Variants in SYT16 observed in about 807,000 individuals in gnomAD.
SYT16 encodes the protein synaptotagmin-16.
In SYT16, 42 loss-of-function variants were observed where a neutral mutation model predicts 61.4. That is an observed-to-expected ratio of 0.68 (90% CI 0.53 to 0.89). SYT16 has a LOEUF of 0.89. Ranked by LOEUF, SYT16 falls within the 40% of genes least tolerant of loss-of-function variation. The pLI, the probability that SYT16 is intolerant of heterozygous loss-of-function variation, is 0.00. For missense variants in SYT16, 804 were observed against 807.3 expected, an observed-to-expected ratio of 1.00 and a Z score of 0.05; for synonymous variants, 314 against 302.3, an observed-to-expected ratio of 1.04 and a Z score of -0.40.
In SYT16 at chr14:61,839,948, G is replaced by T. The variant is rs546277107; in HGVS notation, c.-325+27138G>T. On this transcript the variant is annotated intron_variant, in intron 1 of 7. Coordinates refer to ENST00000683842, the MANE Select transcript of SYT16 (RefSeq NM_001367656.1). ...GGAGCAGAAGAGGAAGAAGGGAAAG[G>T]GAGAGGAGAAGGAGAGATGAGTTAG... Among the ~76,000 whole-genome samples the T allele has an allele frequency of 2.0e-5, 3 of 151,876 alleles. No individual in the cohort carries two copies. The East Asian group carries it at 5.8e-4, about 30-fold the overall frequency.
chr14:61,826,671 C>G (rs2045780368), intron 1 of SYT16, among the ~76,000 whole-genome samples: 1 of 151,932 alleles, frequency 6.6e-6, no homozygotes, highest in African/African-American at 2.4e-5. Context: ...AGCCTCTCTG[C>G]TTTTATTTCT....
chr14:61,903,959 G>A (rs560495482), intron 1 of SYT16, among the ~76,000 whole-genome samples: 2 of 152,188 alleles, frequency 1.3e-5, no homozygotes, highest in Admixed American at 1.3e-4. Flanking sequence ...TCCTTCGAGG[G>A]TATCAATAAT....
intron 1 of SYT16, among the ~76,000 whole-genome samples, chr14:61,932,867 C>G (rs1341064037): frequency 6.6e-6 from 1 of 152,112 alleles, no homozygotes; most frequent in East Asian, 1.9e-4. Context: ...TTGAATGGAC[C>G]AGCCTGACAT....
intron 1 of SYT16, among the ~76,000 whole-genome samples, chr14:61,886,063 C>T (rs1395425245): frequency 6.6e-6 from 1 of 150,690 alleles, no homozygotes; most frequent in Non-Finnish European, 1.5e-5. Flanking sequence ...CTCCTGGGTT[C>T]ATGCCATTCT....
upstream of SYT16, chr14:61,812,190 T>C (rs217665): frequency 0.83 from 126,835 of 152,314 alleles, 53,157 homozygotes; most frequent in East Asian, 0.96. Context: ...GGAGATGGCG[T>C]TGAGCGGTTT....
At chr14:62,011,298 T>C (rs1365223140) in intron 3 of SYT16, among the ~76,000 whole-genome samples, 1 of 152,144 alleles carries the variant, frequency 6.6e-6, no homozygotes, top group Non-Finnish European at 1.5e-5. Context: ...CCATCTGAGC[T>C]GGCTCCATTC....
rs927987997 is a variant in SYT16, at chr14:62,108,422, T to C, written c.*7715T>C. On this transcript the variant is annotated 3_prime_UTR_variant, in exon 8 of 8. Coordinates refer to ENST00000683842, the MANE Select transcript of SYT16 (RefSeq NM_001367656.1). The stretch of plus-strand genomic sequence containing the variant: ...GGAAGTCTGCCAGTAAAAACTCTGA[T>C]TAAGTGAGGAACATGTACATTAAAA... 1.3e-5 allele frequency: 2 copies of C among 152,162 alleles called. No individual in the cohort carries two copies. The highest frequency in any genetic ancestry group is 2.9e-5 in the Non-Finnish European group (2 of 68,026). 9.4% of individuals were successfully genotyped at this position (152,162 alleles called of 1,614,324 possible). A position where few individuals can be genotyped will look rare whatever the true frequency, so the allele number is the denominator to read the frequency against.
chr14:62,039,834 TACACACACACACAC>T lies in SYT16; in HGVS notation c.524-29738_524-29725del, dbSNP rs71449576. On this transcript the variant is annotated intron_variant, in intron 3 of 7. Coordinates refer to ENST00000683842, the MANE Select transcript of SYT16 (RefSeq NM_001367656.1). ...AGCCAAATTCAGAGGGGCTTAAGCA[TACACACACACACAC>T]ACACACACACACACACACACACACA... is the stretch of plus-strand genomic sequence containing the variant. 8.0e-4 allele frequency among the ~76,000 whole-genome samples: 100 copies of T among 124,420 alleles called. 1 individual carries two copies. Among genetic ancestry groups the T allele is most frequent in the Middle Eastern group, 4.3e-3 (1 of 234 alleles). 81.6% of individuals were successfully genotyped at this position (124,420 alleles called of 152,430 possible).
intron 5 of SYT16, chr14:62,077,533 C>T (rs1243631566): frequency 6.6e-6 from 1 of 152,218 alleles, no homozygotes; most frequent in Non-Finnish European, 1.5e-5. Context: ...CTGCTTTCCA[C>T]TGATTAATTG....
At chr14:61,876,025 T>C (rs1340334337) in intron 1 of SYT16, among the ~76,000 whole-genome samples, 1 of 152,160 alleles carries the variant, frequency 6.6e-6, no homozygotes, top group East Asian at 1.9e-4. Context: ...ATAAAAAGAA[T>C]GATAGATGCT....
At chr14:62,027,678 A>G (rs572839006) in intron 3 of SYT16, among the ~76,000 whole-genome samples, 1 of 152,294 alleles carries the variant, frequency 6.6e-6, no homozygotes, top group South Asian at 2.1e-4. Context: ...CTGCAGCACC[A>G]AGACCTTGCA....
intron 3 of SYT16, among the ~76,000 whole-genome samples, chr14:62,004,236 G>A (rs1371955307): frequency 6.6e-6 from 1 of 152,058 alleles, no homozygotes; most frequent in African/African-American, 2.4e-5. Context: ...ATGGCAACAG[G>A]AGAGACAGAG....
chr14:62,111,453 A>G lies in SYT16; in HGVS notation c.*10746A>G, dbSNP rs934651093. The G allele has an allele frequency of 6.6e-6, 1 of 151,402 alleles. No individual in the cohort carries two copies. The highest frequency in any genetic ancestry group is 1.5e-5 in the Non-Finnish European group (1 of 67,968). 9.4% of individuals were successfully genotyped at this position (151,402 alleles called of 1,614,324 possible). On this transcript the variant is annotated 3_prime_UTR_variant, in exon 8 of 8. Coordinates refer to ENST00000683842, the MANE Select transcript of SYT16 (RefSeq NM_001367656.1). Reference sequence around the variant, plus strand: ...CTTTTTCTATTCTATGCTTACTTTAATACATTATTTATATGTGCTAGACTG... The same window carrying G: ...CTTTTTCTATTCTATGCTTACTTTAGTACATTATTTATATGTGCTAGACTG...
At chr14:61,848,872 C>A (rs991171676) in intron 1 of SYT16, among the ~76,000 whole-genome samples, 1 of 152,248 alleles carries the variant, frequency 6.6e-6, no homozygotes, top group Non-Finnish European at 1.5e-5. Flanking sequence ...TTTTATCAAG[C>A]AGAAGGAGTC....
At chr14:61,823,555 C>T (rs1314712017) in intron 1 of SYT16, among the ~76,000 whole-genome samples, 5 of 140,636 alleles carry the variant, frequency 3.6e-5, no homozygotes, top group Middle Eastern at 3.8e-3. Context: ...ATGGCAAAAA[C>T]CCATCTCTAC....
intron 2 of SYT16, among the ~76,000 whole-genome samples, chr14:61,977,185 C>T (rs2051845492): frequency 6.6e-6 from 1 of 152,220 alleles, no homozygotes; most frequent in Non-Finnish European, 1.5e-5. Flanking sequence ...CAAATTTTCT[C>T]ACATCTTCCT....
At chr14:61,966,397 TATC>T (rs1440112354) in intron 1 of SYT16, among the ~76,000 whole-genome samples, 1 of 152,232 alleles carries the variant, frequency 6.6e-6, no homozygotes, top group East Asian at 1.9e-4. Flanking sequence ...GATTGAACAT[TATC>T]ATCATTTTTA....
chr14:62,005,659 G>A (rs757948205), intron 3 of SYT16, among the ~76,000 whole-genome samples: 1 of 152,126 alleles, frequency 6.6e-6, no homozygotes, highest in Non-Finnish European at 1.5e-5. Flanking sequence ...AGTGGTGTGG[G>A]TGTGTAAGTA....
intron 3 of SYT16, among the ~76,000 whole-genome samples, chr14:62,020,789 G>A (rs535911797): frequency 1.3e-5 from 2 of 152,256 alleles, no homozygotes; most frequent in South Asian, 4.1e-4. Context: ...TTGGGGCACC[G>A]CATGTCCCCA....
Sources: gnomAD v4.1 joint callset for allele counts (sites outside exome capture counted in the v4.1 genomes callset) on GRCh38, gnomAD v4.1.1 for gene constraint, MANE v1.5 for transcripts, NCBI Gene and HGNC (gene_info 2026-07-23, HGNC 2026-07-21) for gene names.